Variants in ZNF728 observed in about 807,000 individuals in gnomAD.
ZNF728 encodes the protein zinc finger protein 728.
Under a neutral mutation model 12.5 loss-of-function variants are expected in ZNF728, and 12 were observed. That is an observed-to-expected ratio of 0.96 (90% CI 0.61 to 1.55). The LOEUF (loss-of-function observed/expected upper bound fraction) is 1.55. Ranked by LOEUF, ZNF728 falls within the 40% of genes most tolerant of loss-of-function variation. ZNF728 has a pLI of 0.00. For missense variants in ZNF728, 692 were observed against 719.2 expected (o/e 0.96, Z 0.43); for synonymous variants, 205 against 240.7 (o/e 0.85, Z 1.37).
chr19:22,990,773 A>C (rs1968979086), intron 1 of ZNF728, among the ~76,000 whole-genome samples: 1 of 151,938 alleles, frequency 6.6e-6, no homozygotes, highest in Non-Finnish European at 1.5e-5. Context: ...AACAGAATCC[A>C]TGGAAAGGGC....
chr19:22,986,710 G>GT (rs1377675261), intron 3 of ZNF728, among the ~76,000 whole-genome samples: 7 of 151,672 alleles, frequency 4.6e-5, no homozygotes, highest in Admixed American at 1.3e-4. Context: ...TATTCCAGTG[G>GT]TTTTTTTTCA....
Position 22,976,332 on chromosome 19 carries a change from A to T in ZNF728, c.1005T>A (p.Thr335=), listed in dbSNP as rs1464123385. 1 of 1,613,552 alleles carries T rather than the reference A, an allele frequency of 6.2e-7. No homozygotes were observed. Among genetic ancestry groups the T allele is most frequent in the Admixed American group, 1.7e-5 (1 of 59,950 alleles). Residue 335 remains threonine, a synonymous_variant, in exon 4 of 4, where the codon ACT becomes ACA. Coordinates refer to ENST00000594710, the MANE Select transcript of ZNF728 (RefSeq NM_001267716.2). ...CTTCACATTTGCAGGGCTTCTCTCCAGTATGAATTCTCTTATGTTCCATAA... is the reference window on the plus strand; with the variant it reads ...CTTCACATTTGCAGGGCTTCTCTCCTGTATGAATTCTCTTATGTTCCATAA... ...SNLMEHKRIH[T]GEKPCKCEEC...
intron 3 of ZNF728, among the ~76,000 whole-genome samples, chr19:22,979,628 C>T (rs1968840692): frequency 8.0e-6 from 1 of 125,208 alleles, no homozygotes; most frequent in Non-Finnish European, 1.5e-5. Flanking sequence ...GGTCGAGATA[C>T]CCAAATGGAA....
intron 3 of ZNF728, among the ~76,000 whole-genome samples, chr19:22,977,705 G>A (rs1407337966): frequency 6.6e-6 from 1 of 152,212 alleles, no homozygotes; most frequent in South Asian, 2.1e-4. Context: ...TTTAACTAAA[G>A]GTAAGCACAA....
intron 1 of ZNF728, among the ~76,000 whole-genome samples, chr19:22,993,277 T>C (rs1194482545): frequency 6.6e-6 from 1 of 152,244 alleles, no homozygotes; most frequent in African/African-American, 2.4e-5. Context: ...GTTGGTTTTC[T>C]GTAAATTCTC....
intron 1 of ZNF728, among the ~76,000 whole-genome samples, chr19:22,997,191 C>T (rs1489730758): frequency 1.3e-5 from 2 of 152,048 alleles, no homozygotes; most frequent in South Asian, 2.1e-4. Flanking sequence ...TCTAAAAATA[C>T]CATAATATAC....
At chr19:23,000,042 T>G (rs372892127) in intron 1 of ZNF728, among the ~76,000 whole-genome samples, 6 of 152,146 alleles carry the variant, frequency 3.9e-5, no homozygotes, top group African/African-American at 1.4e-4. Flanking sequence ...AAAAGCTAGA[T>G]GGAATTCTGT....
intron 1 of ZNF728, among the ~76,000 whole-genome samples, chr19:22,994,264 A>G (rs1969025177): frequency 6.6e-6 from 1 of 152,224 alleles, no homozygotes; most frequent in Non-Finnish European, 1.5e-5. Context: ...TTTAGGGGAC[A>G]GCATGCACTT....
chr19:22,984,219 C>G (rs1968890178), intron 3 of ZNF728, among the ~76,000 whole-genome samples: 1 of 150,744 alleles, frequency 6.6e-6, no homozygotes, highest in South Asian at 2.1e-4. Flanking sequence ...GAATTATTTT[C>G]TATGACTAAA....
In ZNF728 at chr19:22,988,449, T is replaced by C. The variant is rs750317985; in HGVS notation, c.6A>G (p.Gly2=). The C allele has an allele frequency of 3.0e-5, 48 of 1,613,734 alleles. No individual in the cohort carries two copies. Among genetic ancestry groups the C allele is most frequent in the Non-Finnish European group, 4.1e-5 (48 of 1,179,940 alleles). ...TGGCCACATCCCGAAATGTCAACGA[T>C]CCCTGGAAAACACACACAAACACAC... M[G]SLTFRDVAIQ... The change falls in exon 2 of 4, where the codon GGA becomes GGG. Residue 2 remains glycine, a splice_region_variant and synonymous_variant. Transcript: ENST00000594710.
At chr19:22,990,663 A>C (rs1968977356) in intron 1 of ZNF728, among the ~76,000 whole-genome samples, 1 of 151,984 alleles carries the variant, frequency 6.6e-6, no homozygotes, top group Non-Finnish European at 1.5e-5. Context: ...CTTAACTCTC[A>C]TGAATGTATT....
rs866422204 is a variant in ZNF728 at position 23,002,830 on chromosome 19, C to G, written c.3+198G>C. Among the ~76,000 whole-genome samples the G allele has an allele frequency of 1.6e-4, 25 of 152,224 alleles. No individual in the cohort carries two copies. The South Asian group carries it at 2.1e-3, about 13-fold the overall frequency. On this transcript the variant is annotated intron_variant, in intron 1 of 3. Transcript: ENST00000594710. ...GCACAATCACAGCGCAGGGAAAAGA[C>G]AGGACGCCCGGGGACCGGGTGTCAG...
At chr19:22,986,140 G>A (rs533718439) in intron 3 of ZNF728, among the ~76,000 whole-genome samples, 1 of 152,044 alleles carries the variant, frequency 6.6e-6, no homozygotes, top group Non-Finnish European at 1.5e-5. Context: ...CCCAACAAAA[G>A]ATTTTTACCC....
chr19:23,000,869 A>AC (rs1969103080), intron 1 of ZNF728, among the ~76,000 whole-genome samples: 2 of 137,036 alleles, frequency 1.5e-5, no homozygotes, highest in African/African-American at 6.8e-5. Context: ...CACTGTCAAA[A>AC]AAAAAAAAAA....
At chr19:22,984,136 A>G (rs2145338457) in intron 3 of ZNF728, among the ~76,000 whole-genome samples, 1 of 152,270 alleles carries the variant, frequency 6.6e-6, no homozygotes, top group Admixed American at 6.5e-5. Flanking sequence ...AGCTCATACA[A>G]CATATTTCTT....
chr19:22,998,950 A>G (rs569593942), intron 1 of ZNF728, among the ~76,000 whole-genome samples: 4 of 152,218 alleles, frequency 2.6e-5, no homozygotes, highest in Admixed American at 6.5e-5. Flanking sequence ...AGTGGTCAAC[A>G]TAAAATACTT....
chr19:22,980,203 A>AAAAAAAAAAAAAAAAC (rs1968847519), intron 3 of ZNF728, among the ~76,000 whole-genome samples: 1 of 71,702 alleles, frequency 1.4e-5, no homozygotes, highest in Non-Finnish European at 2.5e-5. Context: ...AAAAAGAAAC[A>AAAAAAAAAAAAAAAAC]AAAAAAAAAA....
Position 22,976,964 on chromosome 19 carries a change from C to T in ZNF728, c.373G>A (p.Val125Met), listed in dbSNP as rs770288715. 1 of 1,613,420 alleles carries T rather than the reference C, an allele frequency of 6.2e-7. No homozygotes were observed. The highest frequency in any genetic ancestry group is 1.1e-5 in the South Asian group (1 of 91,066). Residue 125 changes from valine to methionine, a missense_variant, in exon 4 of 4, where the codon GTG (valine) becomes ATG (methionine). By Grantham distance (21) the Val-to-Met change is conservative. Around this residue, in one of 3 missense-constraint regions of ZNF728, gnomAD observed 440 missense variants for 459.6 expected, o/e 0.96. Transcript: ENST00000594710. ...IGCTNVDECK[V>M]HKKGYNKLNQ... is the part of the protein sequence containing the mutation. ...AGCTTATTATAACCTTTTTTGTGCA[C>T]CTTACACTCATCCACATTGGTACAA...
At chr19:23,000,047 TTC>T (rs1203380990) in intron 1 of ZNF728, among the ~76,000 whole-genome samples, 2 of 152,144 alleles carry the variant, frequency 1.3e-5, no homozygotes, top group African/African-American at 4.8e-5. Flanking sequence ...CTAGATGGAA[TTC>T]TGTTTGAAAT....
Sources: allele counts gnomAD v4.1 joint callset (sites outside exome capture counted in the v4.1 genomes callset), GRCh38; gene constraint gnomAD v4.1.1; regional missense constraint gnomAD v4.1.1; transcripts MANE v1.5; gene names NCBI Gene and HGNC (gene_info 2026-07-23, HGNC 2026-07-21).